Variants in ASPHD1 observed in about 807,000 individuals in gnomAD.
ASPHD1 encodes the protein aspartate beta-hydroxylase domain-containing protein 1.
Under a neutral mutation model 28.3 loss-of-function variants are expected in ASPHD1, and 20 were observed. The ratio of observed to expected loss-of-function variants is 0.71; its 90% CI spans 0.50 to 1.03. The LOEUF (loss-of-function observed/expected upper bound fraction) is 1.03. Ranked by LOEUF, ASPHD1 falls within the 50% of genes least tolerant of loss-of-function variation. The probability of loss-of-function intolerance (pLI) is 0.00; values close to 1 mark genes in which losing one functional copy is unlikely to be tolerated. For synonymous variants in ASPHD1, 240 were observed against 221.2 expected (o/e 1.08, Z -0.75); for missense variants, 479 against 524.1 (o/e 0.91, Z 0.84).
chr16:29,905,998 GGCGGA>G lies in ASPHD1; in HGVS notation c.*103_*107del. On this transcript the variant is annotated 3_prime_UTR_variant, in exon 3 of 3. Transcript: ENST00000308748. ...CCTCTCTACTGCGGGGGTGGGCGGG[GGCGGA>G]GGATGGGAACTGGCTAGTGAGCACT... 2 of 672,512 alleles carry G rather than the reference GGCGGA, an allele frequency of 3.0e-6. No homozygotes were observed. Among genetic ancestry groups the G allele is most frequent in the South Asian group, 1.9e-5 (1 of 53,580 alleles). The allele number at this position is 672,512 out of a possible 1,614,324, so 41.7% of individuals were successfully genotyped here.
Position 29,900,670 on chromosome 16 carries a change from G to A in ASPHD1, c.-302G>A, listed in dbSNP as rs1335285509. The A allele has an allele frequency of 3.8e-5, 19 of 501,222 alleles. No individual in the cohort carries two copies. The highest frequency in any genetic ancestry group is 6.4e-5 in the Non-Finnish European group (18 of 279,816). 31.0% of individuals were successfully genotyped at this position (501,222 alleles called of 1,614,324 possible). ...GGAGCGAGGGCAAGGAGAGAGCAGTGAGGCCGGAGAGAAAGAAGCTGCCGC... is the reference window on the plus strand; with the variant it reads ...GGAGCGAGGGCAAGGAGAGAGCAGTAAGGCCGGAGAGAAAGAAGCTGCCGC... On this transcript the variant is annotated 5_prime_UTR_variant, in exon 1 of 3. Transcript: ENST00000308748.
At chr16:29,904,239 G>A (rs1428784615) in intron 1 of ASPHD1, among the ~76,000 whole-genome samples, 2 of 151,918 alleles carry the variant, frequency 1.3e-5, no homozygotes, top group Admixed American at 6.6e-5. Flanking sequence ...TGAGCTCAGG[G>A]GTTCGAGACC....
At chr16:29,918,951 C>A (rs2068861144) in intron 3 of ASPHD1, among the ~76,000 whole-genome samples, 1 of 152,196 alleles carries the variant, frequency 6.6e-6, no homozygotes, top group Admixed American at 6.5e-5. Flanking sequence ...AGCCACCGCA[C>A]CTGGCATAAT....
downstream of ASPHD1, chr16:29,906,976 C>T: frequency 1.2e-6 from 2 of 1,614,206 alleles, no homozygotes; most frequent in Non-Finnish European, 1.7e-6. Flanking sequence ...TCTTCATCCT[C>T]CCCGCGGCCA....
intron 3 of ASPHD1, among the ~76,000 whole-genome samples, chr16:29,916,423 A>G (rs1367994442): frequency 2.0e-5 from 3 of 152,174 alleles, no homozygotes; most frequent in Non-Finnish European, 4.4e-5. Flanking sequence ...TTTTACTAAC[A>G]ATCTCCTCAA....
At chr16:29,915,178 A>ATC (rs1361567897) in intron 3 of ASPHD1, 2 of 152,236 alleles carry the variant, frequency 1.3e-5, no homozygotes, top group Non-Finnish European at 2.9e-5. Flanking sequence ...CCACAGTTTC[A>ATC]TCTGCCTGCT....
intron 3 of ASPHD1, chr16:29,911,671 AG>A (rs897219590): frequency 2.6e-6 from 2 of 766,914 alleles, no homozygotes; most frequent in Admixed American, 2.4e-5. Context: ...CTAGAGCGTC[AG>A]GGGTAAGAGG....
intron 3 of ASPHD1, chr16:29,919,399 C>T (rs2068868303): frequency 6.6e-6 from 1 of 152,102 alleles, no homozygotes; most frequent in Non-Finnish European, 1.5e-5. Flanking sequence ...AAGGCAGTTA[C>T]CTATCAATGA....
intron 3 of ASPHD1, chr16:29,911,786 C>G: frequency 6.2e-7 from 1 of 1,611,060 alleles, no homozygotes; most frequent in Non-Finnish European, 8.5e-7. Context: ...CCCAGGGTCC[C>G]GCCCAGTGCC....
chr16:29,904,596 G>T (rs1156924936), intron 1 of ASPHD1, among the ~76,000 whole-genome samples: 2 of 146,286 alleles, frequency 1.4e-5, no homozygotes, highest in Non-Finnish European at 3.0e-5. Context: ...CTGGGTGAGA[G>T]AGTGAGACTT....
chr16:29,905,164 A>C, intron 2 of ASPHD1, 199 bp downstream of exon 2: 2 of 509,380 alleles, frequency 3.9e-6, no homozygotes, highest in Non-Finnish European at 7.0e-6. Flanking sequence ...GCAAGGATTA[A>C]ATGAGATAAT....
At chr16:29,906,574 AAG>A (rs1567437681), downstream of ASPHD1, 1 of 550,562 alleles carries the variant, frequency 1.8e-6, no homozygotes, top group African/African-American at 1.9e-5. Flanking sequence ...GCACTAAAAA[AAG>A]AGAAAGGGAA....
At chr16:29,911,689 C>T (rs1164725069) in intron 3 of ASPHD1, 11 of 995,664 alleles carry the variant, frequency 1.1e-5, no homozygotes, top group South Asian at 7.2e-5. Flanking sequence ...GAGGCGAAGC[C>T]GAATCTGCGA....
At chr16:29,903,190 A>T (rs1173543969) in intron 1 of ASPHD1, among the ~76,000 whole-genome samples, 1 of 151,588 alleles carries the variant, frequency 6.6e-6, no homozygotes, top group Non-Finnish European at 1.5e-5. Flanking sequence ...TCCTGTCTCT[A>T]CTAAAATTAC....
In ASPHD1 at chr16:29,911,606, A is replaced by G. The variant is rs1167762874; in HGVS notation, c.*62+5647A>G. 6 of 605,972 alleles carry G rather than the reference A, an allele frequency of 9.9e-6. No individual in the cohort carries two copies. In the African/African-American group the frequency reaches 1.1e-4, roughly 11 times the overall value. 37.5% of individuals were successfully genotyped at this position (605,972 alleles called of 1,614,324 possible). A position where few individuals can be genotyped will look rare whatever the true frequency, so the allele number is the denominator to read the frequency against. On this transcript the variant is annotated intron_variant and NMD_transcript_variant, in intron 3 of 3. Transcript: ENST00000414952. ...GGCTCGCCACTATCACTTTGTCCTCACCCAAACCCATTTACTGATGACTGA... is the reference window on the plus strand; with the variant it reads ...GGCTCGCCACTATCACTTTGTCCTCGCCCAAACCCATTTACTGATGACTGA...
intron 1 of ASPHD1, among the ~76,000 whole-genome samples, chr16:29,904,612 CAAAAAAA>C (rs1243404965): frequency 1.7e-4 from 11 of 66,516 alleles, no homozygotes; most frequent in Non-Finnish European, 2.5e-4. Context: ...GACTTTGTCT[CAAAAAAA>C]AAAAAAAAAA....
At chr16:29,907,055 G>C (rs766653477), downstream of ASPHD1, 2 of 1,613,628 alleles carry the variant, frequency 1.2e-6, no homozygotes, top group Non-Finnish European at 1.7e-6. Flanking sequence ...GGGGAGTCTC[G>C]TAGATGAGGA....
At chr16:29,906,436 A>G (rs1448015758), downstream of ASPHD1, 2 of 449,418 alleles carry the variant, frequency 4.5e-6, no homozygotes, top group Non-Finnish European at 8.9e-6. Flanking sequence ...GGCCCAGGCC[A>G]GTCTAGTACA....
At chr16:29,903,745 A>G (rs550634101) in intron 1 of ASPHD1, among the ~76,000 whole-genome samples, 1 of 151,284 alleles carries the variant, frequency 6.6e-6, no homozygotes, top group East Asian at 1.9e-4. Context: ...CCCCCGTACC[A>G]CCTCCTGAAA....
Sources: allele counts gnomAD v4.1 joint callset (sites outside exome capture counted in the v4.1 genomes callset), GRCh38; gene constraint gnomAD v4.1.1; transcripts MANE v1.5; gene names NCBI Gene and HGNC (gene_info 2026-07-23, HGNC 2026-07-21).